GRIK1: variants seen among roughly 807,000 people sequenced by gnomAD.
GRIK1 encodes glutamate ionotropic receptor kainate type subunit 1.
In GRIK1, 69 loss-of-function variants were observed where a neutral mutation model predicts 105.7. That is an observed-to-expected ratio of 0.65 (90% CI 0.54 to 0.80). The LOEUF (loss-of-function observed/expected upper bound fraction) is 0.80, where lower values mean the gene tolerates loss of function less well. Among genes scored for constraint, GRIK1 ranks in the 30% least tolerant of loss-of-function variants. The pLI is 0.00. For synonymous variants in GRIK1, 438 were observed against 431.3 expected, an observed-to-expected ratio of 1.02 and a Z score of -0.19; for missense variants, 1,109 against 1,167.3, an observed-to-expected ratio of 0.95 and a Z score of 0.73.
At chr21:29,789,662 CA>C (rs755411447) in intron 1 of GRIK1, among the ~76,000 whole-genome samples, 6 of 152,150 alleles carry the variant, frequency 3.9e-5, no homozygotes, top group Non-Finnish European at 7.4e-5. Context: ...CCTGTTATTG[CA>C]AAAGTCCTTT....
At chr21:29,721,602 A>G (rs1196132307) in intron 1 of GRIK1, among the ~76,000 whole-genome samples, 1 of 104,440 alleles carries the variant, frequency 9.6e-6, no homozygotes, top group Non-Finnish European at 1.9e-5. Flanking sequence ...AATACATACC[A>G]AAAAAAAAAA....
At chr21:29,930,827 T>C (rs2071540261) in intron 1 of GRIK1, among the ~76,000 whole-genome samples, 1 of 152,194 alleles carries the variant, frequency 6.6e-6, no homozygotes, top group African/African-American at 2.4e-5. Context: ...AATATTGTTG[T>C]CTTTAAGGAC....
chr21:29,802,301 C>T (rs2066733325), intron 1 of GRIK1, among the ~76,000 whole-genome samples: 1 of 152,132 alleles, frequency 6.6e-6, no homozygotes, highest in African/African-American at 2.4e-5. Context: ...ACTACCTTAA[C>T]TTAAGGCTTT....
At chr21:29,862,520 C>A (rs115941826) in intron 1 of GRIK1, among the ~76,000 whole-genome samples, 1,978 of 152,258 alleles carry the variant, frequency 0.013, 46 homozygotes, top group African/African-American at 0.044. Context: ...GTTTGAAGAT[C>A]AAAATCCAGG....
chr21:29,572,422 CTT>C (rs2090773362), intron 14 of GRIK1, among the ~76,000 whole-genome samples: 1 of 152,292 alleles, frequency 6.6e-6, no homozygotes, highest in South Asian at 2.1e-4. Context: ...CTCCCTCCCT[CTT>C]TCCCTCTCGG....
chr21:29,677,001 T>A (rs2063280968), intron 3 of GRIK1, among the ~76,000 whole-genome samples: 1 of 152,214 alleles, frequency 6.6e-6, no homozygotes, highest in South Asian at 2.1e-4. Flanking sequence ...ATAATCTTAG[T>A]GTGGTTATAA....
At chr21:29,547,836 T>G (rs1465627648) in intron 16 of GRIK1, among the ~76,000 whole-genome samples, 1 of 152,130 alleles carries the variant, frequency 6.6e-6, no homozygotes, top group Non-Finnish European at 1.5e-5. Flanking sequence ...TTGATCCGAC[T>G]CCAGAGAAAT....
chr21:29,556,459 G>A (rs912080280), intron 15 of GRIK1, among the ~76,000 whole-genome samples: 1 of 152,092 alleles, frequency 6.6e-6, no homozygotes, highest in Non-Finnish European at 1.5e-5. Context: ...CGATATTGTG[G>A]TTACATTTTT....
chr21:29,559,271 A>G (rs1011925000), intron 15 of GRIK1, among the ~76,000 whole-genome samples: 4 of 152,182 alleles, frequency 2.6e-5, no homozygotes, highest in Non-Finnish European at 5.9e-5. Context: ...AAAAAATAGC[A>G]TCTAACTTCT....
At chr21:29,782,284 C>T (rs1264036122) in intron 1 of GRIK1, among the ~76,000 whole-genome samples, 7 of 151,890 alleles carry the variant, frequency 4.6e-5, no homozygotes, top group Non-Finnish European at 8.8e-5. Context: ...GACAGGGTTT[C>T]ACCGTGTTAG....
At chr21:29,819,436 T>A (rs1462067802) in intron 1 of GRIK1, among the ~76,000 whole-genome samples, 1 of 151,878 alleles carries the variant, frequency 6.6e-6, no homozygotes, top group Non-Finnish European at 1.5e-5. Context: ...AAGGACAAAT[T>A]CTAGGGCTAC....
chr21:29,725,228 A>T (rs190252930), intron 1 of GRIK1, among the ~76,000 whole-genome samples: 1 of 152,334 alleles, frequency 6.6e-6, no homozygotes, highest in East Asian at 1.9e-4. Flanking sequence ...GCCGTGAGAA[A>T]TGACCCTTGG....
chr21:29,721,460 A>T (rs899080381), intron 1 of GRIK1, among the ~76,000 whole-genome samples: 1 of 152,034 alleles, frequency 6.6e-6, no homozygotes, highest in Non-Finnish European at 1.5e-5. Context: ...TAGCGGGGAG[A>T]TCTGTAAATC....
intron 1 of GRIK1, among the ~76,000 whole-genome samples, chr21:29,773,051 G>A (rs1214354006): frequency 2.6e-5 from 4 of 152,136 alleles, no homozygotes; most frequent in Non-Finnish European, 4.4e-5. Flanking sequence ...GGCTGATAAG[G>A]AGTCCATGTA....
chr21:29,753,366 A>C (rs2065253522), intron 1 of GRIK1, among the ~76,000 whole-genome samples: 1 of 152,230 alleles, frequency 6.6e-6, no homozygotes, highest in African/African-American at 2.4e-5. Flanking sequence ...TGAATCACAT[A>C]CTTGGCTTCC....
chr21:29,620,349 C>T (rs1246772432), intron 7 of GRIK1, among the ~76,000 whole-genome samples: 1 of 152,138 alleles, frequency 6.6e-6, no homozygotes, highest in African/African-American at 2.4e-5. Context: ...GCAAGGTTTA[C>T]AGCAGTTTTA....
intron 1 of GRIK1, among the ~76,000 whole-genome samples, chr21:29,797,724 T>C (rs1300395069): frequency 6.6e-6 from 1 of 152,226 alleles, no homozygotes. Flanking sequence ...CATTTAAAAG[T>C]TGTAGAGTTC....
chr21:29,619,583 AACTT>A (rs66626385), intron 7 of GRIK1, among the ~76,000 whole-genome samples: 27,852 of 152,060 alleles, frequency 0.18, 2,721 homozygotes, highest in Non-Finnish European at 0.22. Context: ...ACCACTAAAT[AACTT>A]ACTTATGTAA....
chr21:29,924,208 G>A (rs2071279746), intron 1 of GRIK1, among the ~76,000 whole-genome samples: 1 of 151,712 alleles, frequency 6.6e-6, no homozygotes, highest in Non-Finnish European at 1.5e-5. Flanking sequence ...CGTGGTGGCG[G>A]GCGCCTGTAA....
Sources: gnomAD v4.1 joint callset for allele counts (sites outside exome capture counted in the v4.1 genomes callset) on GRCh38, gnomAD v4.1.1 for gene constraint, MANE v1.5 for transcripts, NCBI Gene and HGNC (gene_info 2026-07-23, HGNC 2026-07-21) for gene names.